The following MSI2 variants were observed in gnomAD, a reference collection of about 807,000 sequenced individuals.
The protein encoded by MSI2 is musashi RNA binding protein 2.
MSI2 carries 17 observed loss-of-function variants against 45.6 expected under a neutral mutation model. That is an observed-to-expected ratio of 0.37 (90% CI 0.26 to 0.56). The LOEUF is 0.56. Among genes scored for constraint, MSI2 ranks in the 20% least tolerant of loss-of-function variants. MSI2 has a pLI of 0.77. For synonymous variants in MSI2, 156 were observed against 158.2 expected, an observed-to-expected ratio of 0.99 and a Z score of 0.11; for missense variants, 293 against 444.2, an observed-to-expected ratio of 0.66 and a Z score of 3.06.
At chr17:57,455,867 C>G (rs1567834441) in intron 6 of MSI2, among the ~76,000 whole-genome samples, 1 of 152,234 alleles carries the variant, frequency 6.6e-6, no homozygotes, top group Admixed American at 6.5e-5. Flanking sequence ...CACAGGCACA[C>G]ACACGTTCCC....
At chr17:57,577,827 G>T (rs570986129) in intron 7 of MSI2, among the ~76,000 whole-genome samples, 298 of 152,288 alleles carry the variant, frequency 2.0e-3, no homozygotes, top group African/African-American at 6.7e-3. Flanking sequence ...AAGTGTTTCT[G>T]CGTCCTCGGA....
chr17:57,616,023 A>G lies in MSI2; in HGVS notation c.591A>G (p.Arg197=). ...PKEVMFPPGT[R]GRARGLPYTM... ...AAGTCATGTTCCCACCTGGGACAAG[A>G]GGCCGGGCCCGGGGACTGCCTTACA... Residue 197 remains arginine, a synonymous_variant, in exon 9 of 14, where the codon AGA becomes AGG. Transcript: ENST00000284073. 6.2e-7 allele frequency: 1 copy of G among 1,614,190 alleles called. No individual in the cohort carries two copies. Among genetic ancestry groups the G allele is most frequent in the Non-Finnish European group, 8.5e-7 (1 of 1,180,020 alleles).
intron 10 of MSI2, among the ~76,000 whole-genome samples, chr17:57,647,274 CAAAAA>C (rs33915774): frequency 0.02 from 739 of 37,668 alleles, 2 homozygotes; most frequent in African/African-American, 0.058. Context: ...ACTAAAAATA[CAAAAA>C]AAAAAAAAAA....
the MSI2 span, among the ~76,000 whole-genome samples, chr17:57,693,308 G>A: frequency 6.6e-6 from 1 of 151,900 alleles, no homozygotes; most frequent in Non-Finnish European, 1.5e-5. Flanking sequence ...TCAGCCTCCC[G>A]AGTAGCTGGG....
chr17:57,413,923 G>A (rs1365258713), intron 6 of MSI2, among the ~76,000 whole-genome samples: 3 of 151,936 alleles, frequency 2.0e-5, no homozygotes, highest in Non-Finnish European at 4.4e-5. Context: ...TTTGTTCATT[G>A]ATTCATTCAG....
rs557253505 is a variant in MSI2 at position 57,295,690 on chromosome 17, G to A, written c.312+33498G>A. ...ATATGAATCACTGAGGGGCTTGGAG[G>A]GAGAAAGGAAAGGGTTTCTGTATAA... is the stretch of plus-strand genomic sequence containing the variant. On this transcript the variant is annotated intron_variant, in intron 5 of 13. Transcript: ENST00000284073. 3.3e-5 allele frequency among the ~76,000 whole-genome samples: 5 copies of A among 152,254 alleles called. No homozygotes were observed. In the South Asian group the frequency reaches 1.0e-3, roughly 32 times the overall value.
chr17:57,347,486 GCATGTGTTCAGACCCCTT>G (rs11275496), intron 5 of MSI2, among the ~76,000 whole-genome samples: 1,851 of 152,252 alleles, frequency 0.012, 46 homozygotes, highest in African/African-American at 0.041. Context: ...AGCCCCATCC[GCATGTGTTCAGACCCCTT>G]CATGCAGGCA....
At chr17:57,366,915 T>G (rs1031374508) in intron 5 of MSI2, among the ~76,000 whole-genome samples, 6 of 152,194 alleles carry the variant, frequency 3.9e-5, no homozygotes, top group African/African-American at 1.4e-4. Context: ...ACAGTATTCT[T>G]GAGTTCAGAG....
At chr17:57,309,203 A>G (rs1912163464) in intron 5 of MSI2, among the ~76,000 whole-genome samples, 1 of 152,350 alleles carries the variant, frequency 6.6e-6, no homozygotes, top group Non-Finnish European at 1.5e-5. Context: ...AGTTCTATAG[A>G]TCATCTATTC....
intron 5 of MSI2, among the ~76,000 whole-genome samples, chr17:57,356,518 C>A (rs1417416742): frequency 6.6e-6 from 1 of 152,086 alleles, no homozygotes; most frequent in African/African-American, 2.4e-5. Flanking sequence ...AGCAAGATCC[C>A]CCCTCCCCCA....
At position 57,680,103 on chromosome 17, in the gene MSI2, C is replaced by G. The variant is rs372592004; in HGVS notation, c.*586C>G. On this transcript the variant is annotated 3_prime_UTR_variant, in exon 14 of 14. Transcript: ENST00000284073. ...TGAAGCAAAGTTGTGAAGTGCAGGG[C>G]GGGAGGTGGGCGTGAGCTTTCTATT... 2 of 228,032 alleles carry G rather than the reference C, an allele frequency of 8.8e-6. No homozygotes were observed. Among genetic ancestry groups the G allele is most frequent in the South Asian group, 3.7e-4 (2 of 5,476 alleles). 14.1% of individuals were successfully genotyped at this position (228,032 alleles called of 1,614,324 possible).
chr17:57,382,702 G>A (rs887482966), intron 5 of MSI2, among the ~76,000 whole-genome samples: 6 of 152,332 alleles, frequency 3.9e-5, no homozygotes, highest in Admixed American at 2.0e-4. Context: ...CACCCACGAG[G>A]ACAGTGGTCC....
intron 7 of MSI2, among the ~76,000 whole-genome samples, chr17:57,540,997 C>A (rs2087033051): frequency 6.6e-6 from 1 of 152,130 alleles, no homozygotes. Flanking sequence ...TCACAACCCC[C>A]CTAAGCAAAA....
At chr17:57,423,723 T>A (rs1380285264) in intron 6 of MSI2, among the ~76,000 whole-genome samples, 2 of 152,166 alleles carry the variant, frequency 1.3e-5, no homozygotes, top group Non-Finnish European at 2.9e-5. Context: ...ATATAAAATT[T>A]TTCATACCCA....
chr17:57,696,782 C>T, the MSI2 span, among the ~76,000 whole-genome samples: 2,129 of 152,212 alleles, frequency 0.014, 62 homozygotes, highest in African/African-American at 0.05. Context: ...GGCATTTGGT[C>T]AGTGGGCACT....
At chr17:57,649,719 C>G (rs1263236480) in intron 10 of MSI2, among the ~76,000 whole-genome samples, 1 of 152,128 alleles carries the variant, frequency 6.6e-6, no homozygotes, top group African/African-American at 2.4e-5. Context: ...TGAGGGGTGA[C>G]TGGTGAGGCT....
rs891631337 is a variant in MSI2, at chr17:57,366,681, C to A, written c.313-34698C>A. Among the ~76,000 whole-genome samples the A allele has an allele frequency of 2.6e-5, 4 of 152,348 alleles. No homozygotes were observed. In the East Asian group the frequency reaches 5.8e-4, roughly 22 times the overall value. ...CGAAGAGGTGGGGACAGCCAAGGAACAGATCATATTTACTTATTTGTTTGT... is the reference window on the plus strand; with the variant it reads ...CGAAGAGGTGGGGACAGCCAAGGAAAAGATCATATTTACTTATTTGTTTGT... On this transcript the variant is annotated intron_variant, in intron 5 of 13. Transcript: ENST00000284073.
intron 5 of MSI2, among the ~76,000 whole-genome samples, chr17:57,370,603 G>A (rs2083406585): frequency 6.6e-6 from 1 of 152,176 alleles, no homozygotes; most frequent in Non-Finnish European, 1.5e-5. Flanking sequence ...ACCACAAGAT[G>A]TTTCTGTTAG....
intron 7 of MSI2, among the ~76,000 whole-genome samples, chr17:57,543,181 C>G (rs2087089562): frequency 6.6e-6 from 1 of 152,186 alleles, no homozygotes. Flanking sequence ...TGAAGAGGGC[C>G]TTGGAGACCT....
Sources: allele counts gnomAD v4.1 joint callset (sites outside exome capture counted in the v4.1 genomes callset), GRCh38; gene constraint gnomAD v4.1.1; transcripts MANE v1.5; gene names NCBI Gene and HGNC (gene_info 2026-07-23, HGNC 2026-07-21).